SORCS2: variants seen among roughly 807,000 people sequenced by gnomAD.
The protein encoded by SORCS2 is sortilin related VPS10 domain containing receptor 2.
Under a neutral mutation model 141.6 loss-of-function variants are expected in SORCS2, and 100 were observed. The observed-to-expected ratio is 0.71, with a 90% CI of 0.60 to 0.83. SORCS2 has a LOEUF of 0.83. Among genes scored for constraint, SORCS2 ranks in the 40% least tolerant of loss-of-function variants. The pLI is 0.00. For missense variants in SORCS2, 1,646 were observed against 1,560.2 expected (o/e 1.05, Z -0.93); for synonymous variants, 789 against 676.9 (o/e 1.17, Z -2.57).
intron 1 of SORCS2, among the ~76,000 whole-genome samples, chr4:7,395,346 G>T (rs1041913971): frequency 6.6e-6 from 1 of 152,314 alleles, no homozygotes; most frequent in Middle Eastern, 3.4e-3. Flanking sequence ...GCTAACAGCT[G>T]CTCCAAAACC....
At chr4:7,517,511 A>G (rs1259542261) in intron 2 of SORCS2, among the ~76,000 whole-genome samples, 1 of 152,190 alleles carries the variant, frequency 6.6e-6, no homozygotes, top group Non-Finnish European at 1.5e-5. Context: ...CTTCAGCAGA[A>G]ACCGAATACA....
chr4:7,620,223 AC>A (rs1456363149), intron 3 of SORCS2, among the ~76,000 whole-genome samples: 2 of 152,160 alleles, frequency 1.3e-5, no homozygotes, highest in African/African-American at 4.8e-5. Context: ...CCACAATATC[AC>A]CATGCATTGT....
chr4:7,212,346 G>T (rs1250291293), intron 1 of SORCS2, among the ~76,000 whole-genome samples: 1 of 152,196 alleles, frequency 6.6e-6, no homozygotes. Flanking sequence ...TGTGTCTCCT[G>T]CAATGCTGTG....
rs184993704 is a variant in SORCS2, at chr4:7,414,542, C to T, written c.548+18187C>T. 1.8e-3 allele frequency among the ~76,000 whole-genome samples: 271 copies of T among 152,248 alleles called. 1 individual carries two copies. Among genetic ancestry groups the T allele is most frequent in the African/African-American group, 6.4e-3 (265 of 41,542 alleles). On this transcript the variant is annotated intron_variant, in intron 2 of 26. Coordinates refer to ENST00000507866, the MANE Select transcript of SORCS2 (RefSeq NM_020777.3). ...CCGGCGGCCAAAGAGACAGCTAATG[C>T]TCAAAATTCTCTCGGCCACGAGGAA...
chr4:7,348,860 G>T (rs535115014), intron 1 of SORCS2, among the ~76,000 whole-genome samples: 1 of 152,300 alleles, frequency 6.6e-6, no homozygotes, highest in East Asian at 1.9e-4. Context: ...GCCGAATCTT[G>T]TGTTTTTAAT....
chr4:7,570,921 C>T (rs1715347661), intron 3 of SORCS2, among the ~76,000 whole-genome samples: 1 of 152,176 alleles, frequency 6.6e-6, no homozygotes, highest in African/African-American at 2.4e-5. Context: ...GCCGAGTCTC[C>T]TGGCTGTTGG....
intron 3 of SORCS2, 146 bp from the exon 4 acceptor site, chr4:7,638,182 G>C: frequency 9.9e-7 from 1 of 1,006,508 alleles, no homozygotes; most frequent in Non-Finnish European, 1.4e-6. Context: ...GGAGGTGAAG[G>C]GGAGAGGCAC....
intron 2 of SORCS2, among the ~76,000 whole-genome samples, chr4:7,518,081 G>C (rs1009110327): frequency 4.6e-5 from 7 of 152,224 alleles, no homozygotes; most frequent in African/African-American, 1.7e-4. Flanking sequence ...GGCTAGACAG[G>C]AACAGAGGAG....
intron 1 of SORCS2, among the ~76,000 whole-genome samples, chr4:7,262,204 A>C (rs1212390569): frequency 8.4e-6 from 1 of 118,964 alleles, no homozygotes. Flanking sequence ...CTATCCATCC[A>C]TCCACCCACC....
At chr4:7,507,849 C>T (rs1215759328) in intron 2 of SORCS2, among the ~76,000 whole-genome samples, 1 of 152,036 alleles carries the variant, frequency 6.6e-6, no homozygotes, top group African/African-American at 2.4e-5. Context: ...AAATTTTAGG[C>T]AGATCCAAGA....
intron 2 of SORCS2, among the ~76,000 whole-genome samples, chr4:7,509,004 C>G (rs1349931188): frequency 6.6e-6 from 1 of 152,200 alleles, no homozygotes; most frequent in Non-Finnish European, 1.5e-5. Flanking sequence ...ACTGGGGCCA[C>G]AGGGTCACGC....
intron 1 of SORCS2, among the ~76,000 whole-genome samples, chr4:7,225,538 G>A (rs1728940703): frequency 6.6e-6 from 1 of 152,224 alleles, no homozygotes; most frequent in South Asian, 2.1e-4. Flanking sequence ...GATGATGGCT[G>A]CAGTCCTGGG....
chr4:7,531,657 C>T (rs1711664201), intron 3 of SORCS2, 28 bp downstream of exon 3: 2 of 1,596,928 alleles, frequency 1.3e-6, no homozygotes, highest in South Asian at 1.1e-5. Flanking sequence ...GTGGCCGCCA[C>T]TCTGGCTCTC....
chr4:7,575,225 A>T (rs1032393052), intron 3 of SORCS2, among the ~76,000 whole-genome samples: 1 of 152,198 alleles, frequency 6.6e-6, no homozygotes, highest in African/African-American at 2.4e-5. Flanking sequence ...ACAGAAATAT[A>T]CGAGCCGTGT....
At chr4:7,288,123 C>A (rs866803184) in intron 1 of SORCS2, among the ~76,000 whole-genome samples, 4 of 152,296 alleles carry the variant, frequency 2.6e-5, no homozygotes, top group African/African-American at 9.6e-5. Flanking sequence ...TTTAAGCACT[C>A]GAGAGCTCGG....
At chr4:7,535,329 G>A (rs965551436) in intron 3 of SORCS2, among the ~76,000 whole-genome samples, 4 of 152,200 alleles carry the variant, frequency 2.6e-5, no homozygotes, top group Non-Finnish European at 5.9e-5. Flanking sequence ...GTTACGGTGC[G>A]GGGCCAGGAG....
intron 1 of SORCS2, among the ~76,000 whole-genome samples, chr4:7,232,594 C>G (rs1353176564): frequency 6.6e-6 from 1 of 152,252 alleles, no homozygotes; most frequent in Admixed American, 6.5e-5. Flanking sequence ...TCCCGCTCAG[C>G]TCCTACATTT....
chr4:7,287,530 A>G (rs751381712), intron 1 of SORCS2, among the ~76,000 whole-genome samples: 3 of 152,226 alleles, frequency 2.0e-5, no homozygotes, highest in African/African-American at 4.8e-5. Flanking sequence ...CCCCTACTTC[A>G]TGGCCACTTG....
intron 1 of SORCS2, among the ~76,000 whole-genome samples, chr4:7,352,423 G>A (rs1056287626): frequency 2.6e-5 from 4 of 152,182 alleles, no homozygotes; most frequent in African/African-American, 9.7e-5. Context: ...GGCAGTGCTG[G>A]GACTCACCCC....
Sources: allele counts gnomAD v4.1 joint callset (sites outside exome capture counted in the v4.1 genomes callset), GRCh38; gene constraint gnomAD v4.1.1; transcripts MANE v1.5; gene names NCBI Gene and HGNC (gene_info 2026-07-23, HGNC 2026-07-21).